Variants in PTPRJ observed in about 807,000 individuals in gnomAD.
PTPRJ encodes protein tyrosine phosphatase receptor type J.
PTPRJ carries 129 observed loss-of-function variants against 141.3 expected under a neutral mutation model. That is an observed-to-expected ratio of 0.91 (90% confidence interval 0.79 to 1.06). PTPRJ has a LOEUF of 1.06. Among genes scored for constraint, PTPRJ ranks in the 50% least tolerant of loss-of-function variants. The probability of loss-of-function intolerance (pLI) is 0.00; values close to 1 mark genes in which losing one functional copy is unlikely to be tolerated. For missense variants in PTPRJ, 1,601 were observed against 1,679.7 expected (o/e 0.95, Z 0.82); for synonymous variants, 610 against 640.5 (o/e 0.95, Z 0.72).
At chr11:48,103,770 C>T (rs1856215451) in intron 1 of PTPRJ, among the ~76,000 whole-genome samples, 2 of 152,082 alleles carry the variant, frequency 1.3e-5, no homozygotes, top group African/African-American at 4.8e-5. Flanking sequence ...CTAAAAATAC[C>T]CAATGGAAAC....
intron 1 of PTPRJ, among the ~76,000 whole-genome samples, chr11:47,987,064 T>C (rs1854068959): frequency 1.3e-5 from 2 of 151,920 alleles, no homozygotes; most frequent in South Asian, 2.1e-4. Context: ...AAAAATTAGC[T>C]GGGCATGGTG....
intron 1 of PTPRJ, among the ~76,000 whole-genome samples, chr11:48,096,527 C>T (rs542530578): frequency 5.9e-5 from 9 of 152,084 alleles, no homozygotes; most frequent in East Asian, 3.9e-4. Context: ...CAGTTTCCCA[C>T]GCCCGCCCCC....
At chr11:48,045,706 A>G (rs146875328) in intron 1 of PTPRJ, among the ~76,000 whole-genome samples, 3 of 152,196 alleles carry the variant, frequency 2.0e-5, no homozygotes, top group African/African-American at 4.8e-5. Flanking sequence ...GTGTGGGGCA[A>G]GTTTCCCAGA....
intron 1 of PTPRJ, among the ~76,000 whole-genome samples, chr11:48,049,371 T>C (rs1854492363): frequency 6.6e-6 from 1 of 151,314 alleles, no homozygotes; most frequent in African/African-American, 2.4e-5. Flanking sequence ...TGGAGAAAGG[T>C]ACAACATTTA....
intron 1 of PTPRJ, among the ~76,000 whole-genome samples, chr11:48,072,712 T>A (rs1368467766): frequency 2.0e-5 from 3 of 152,242 alleles, no homozygotes; most frequent in African/African-American, 7.2e-5. Context: ...TCTGTTTTTC[T>A]TGACTCTTTT....
chr11:48,109,648 T>C (rs1856388211), intron 1 of PTPRJ, among the ~76,000 whole-genome samples: 1 of 140,684 alleles, frequency 7.1e-6, no homozygotes. Flanking sequence ...GGGCTTGGTA[T>C]CCCCCCCACC....
At chr11:48,061,927 T>C (rs1854941178) in intron 1 of PTPRJ, among the ~76,000 whole-genome samples, 1 of 137,090 alleles carries the variant, frequency 7.3e-6, no homozygotes, top group African/African-American at 2.7e-5. Context: ...TTTTTTTTTT[T>C]TTCTTTTGAG....
intron 8 of PTPRJ, among the ~76,000 whole-genome samples, chr11:48,135,802 A>G (rs542962307): frequency 5.9e-5 from 9 of 152,196 alleles, no homozygotes; most frequent in Non-Finnish European, 1.3e-4. Context: ...TAAGACAACA[A>G]CAAAAAACTG....
Position 48,127,741 on chromosome 11 carries a change from C to G in PTPRJ, c.1094-39C>G. 1.9e-6 allele frequency: 3 copies of G among 1,600,890 alleles called. No individual in the cohort carries two copies. The Middle Eastern group carries it at 5.0e-4, about 267-fold the overall frequency. On this transcript the variant is annotated intron_variant, in intron 6 of 24. Coordinates refer to ENST00000418331, the MANE Select transcript of PTPRJ (RefSeq NM_002843.4). ...TGACCTCTCCCTCCCTCTGCCTTGGCCGTTCTGGTTATTTTGAACTCCTCT... is the reference window on the plus strand; with the variant it reads ...TGACCTCTCCCTCCCTCTGCCTTGGGCGTTCTGGTTATTTTGAACTCCTCT...
chr11:48,002,518 C>CACTT (rs5791796), intron 1 of PTPRJ, among the ~76,000 whole-genome samples: 10,178 of 152,098 alleles, frequency 0.067, 1,088 homozygotes, highest in African/African-American at 0.23. Context: ...CCTTATTGAG[C>CACTT]ACTTTGTGCT....
chr11:48,081,550 G>A (rs950911939), intron 1 of PTPRJ, among the ~76,000 whole-genome samples: 2 of 152,060 alleles, frequency 1.3e-5, no homozygotes, highest in African/African-American at 2.4e-5. Flanking sequence ...TCACTTCCCC[G>A]GCTGGCTTTT....
At chr11:48,093,840 G>A (rs1855934922) in intron 1 of PTPRJ, among the ~76,000 whole-genome samples, 1 of 151,898 alleles carries the variant, frequency 6.6e-6, no homozygotes, top group Non-Finnish European at 1.5e-5. Flanking sequence ...GAAGCCACTG[G>A]TTGCTAATGG....
rs1406553562 is a variant in PTPRJ at position 48,168,085 on chromosome 11, T to C, written c.*723T>C. On this transcript the variant is annotated 3_prime_UTR_variant, in exon 25 of 25. Transcript: ENST00000418331. ...TCCCCTGCCCCCTGTACATTTGTGC[T>C]CCATTTTTTCTTCCCTTTTCCCTCC... 6.6e-6 allele frequency: 1 copy of C among 152,092 alleles called. No homozygotes were observed. The highest frequency in any genetic ancestry group is 1.9e-4 in the East Asian group (1 of 5,162). 9.4% of individuals were successfully genotyped at this position (152,092 alleles called of 1,614,324 possible). A position where few individuals can be genotyped will look rare whatever the true frequency, so the allele number is the denominator to read the frequency against.
intron 1 of PTPRJ, among the ~76,000 whole-genome samples, chr11:48,067,253 G>A (rs941261259): frequency 5.3e-5 from 8 of 152,124 alleles, no homozygotes; most frequent in African/African-American, 1.7e-4. Context: ...CAGAGCCTCC[G>A]GCCTGGAACC....
intron 1 of PTPRJ, among the ~76,000 whole-genome samples, chr11:48,098,866 T>C (rs1213288390): frequency 6.6e-6 from 1 of 152,214 alleles, no homozygotes; most frequent in East Asian, 1.9e-4. Context: ...CCATGTCTTA[T>C]CCACCAAAAA....
At position 48,153,878 on chromosome 11, in the gene PTPRJ, T is replaced by A; in HGVS notation, c.3221T>A (p.Val1074Asp). 1 of 1,609,226 alleles carries A rather than the reference T, an allele frequency of 6.2e-7. No individual in the cohort carries two copies. Among genetic ancestry groups the A allele is most frequent in the East Asian group, 2.2e-5 (1 of 44,828 alleles). The change falls in exon 19 of 25, where the codon GTT becomes GAT. Residue 1074 changes from valine (V) to aspartate (D), a missense_variant. Coordinates refer to ENST00000418331, the MANE Select transcript of PTPRJ (RefSeq NM_002843.4). Reference protein sequence around the residue: ...ENRGKNRYNNVLPYDISRVKL... With the variant: ...ENRGKNRYNNDLPYDISRVKL... Reference sequence around the variant, plus strand: ...AGAGGAAAGAATCGCTATAATAATGTTCTGCCCTGTAAGTTATTTTATCTA... The same window carrying A: ...AGAGGAAAGAATCGCTATAATAATGATCTGCCCTGTAAGTTATTTTATCTA...
intron 10 of PTPRJ, among the ~76,000 whole-genome samples, chr11:48,138,402 A>G (rs888214981): frequency 2.0e-5 from 3 of 152,228 alleles, no homozygotes; most frequent in African/African-American, 7.2e-5. Context: ...CAGGAGCTGT[A>G]AAAGTGGGTG....
intron 1 of PTPRJ, among the ~76,000 whole-genome samples, chr11:48,040,178 C>G (rs534291749): frequency 1.3e-5 from 2 of 152,362 alleles, no homozygotes; most frequent in East Asian, 3.9e-4. Context: ...TGGAGACAAA[C>G]TGCAGGTAGG....
intron 14 of PTPRJ, 91 bp downstream of exon 14, chr11:48,145,215 A>AC (rs769492467): frequency 6.5e-6 from 10 of 1,547,256 alleles, no homozygotes; most frequent in Admixed American, 1.7e-5. Context: ...CCTCCCTCAG[A>AC]CCTTCAGGAG....
Sources: gnomAD v4.1 joint callset for allele counts (sites outside exome capture counted in the v4.1 genomes callset) on GRCh38, gnomAD v4.1.1 for gene constraint, MANE v1.5 for transcripts, NCBI Gene and HGNC (gene_info 2026-07-23, HGNC 2026-07-21) for gene names.